The following UBE3C variants were observed in gnomAD, a reference collection of about 807,000 sequenced individuals.
UBE3C encodes the protein ubiquitin-protein ligase E3C.
Under a neutral mutation model 129.4 loss-of-function variants are expected in UBE3C, and 42 were observed. The observed-to-expected ratio is 0.32, with a 90% CI of 0.25 to 0.42. UBE3C has a LOEUF of 0.42. Ranked by LOEUF, UBE3C falls within the 10% of genes least tolerant of loss-of-function variation. The probability of loss-of-function intolerance (pLI) is 1.00; values close to 1 mark genes in which losing one functional copy is unlikely to be tolerated. For missense variants in UBE3C, 1,049 were observed against 1,319.1 expected, an observed-to-expected ratio of 0.80 and a Z score of 3.17; for synonymous variants, 510 against 492.4, an observed-to-expected ratio of 1.04 and a Z score of -0.47.
intron 19 of UBE3C, among the ~76,000 whole-genome samples, chr7:157,251,839 A>C (rs1796627361): frequency 6.6e-6 from 1 of 150,490 alleles, no homozygotes. Flanking sequence ...TAACCGTTTA[A>C]AAGTTATTAG....
intron 14 of UBE3C, 175 bp downstream of exon 14, chr7:157,217,146 C>T (rs951302974): frequency 2.0e-6 from 1 of 503,966 alleles, no homozygotes; most frequent in Admixed American, 3.6e-5. Context: ...GAACATATAG[C>T]AGTATCATTG....
chr7:157,207,800 G>T lies in UBE3C; in HGVS notation c.1674G>T (p.Lys558Asn), dbSNP rs762208941. ...GAGATGCATGCCTGGGGATCATCAA[G>T]TTGGCTTATCCAGAAACCAAGCCAG... ...CLRDACLGII[K>N]LAYPETKPEV... Residue 558 changes from lysine (K) to asparagine (N), a missense_variant, in exon 13 of 23, where the codon AAG becomes AAT. This residue lies in a region of UBE3C where 314 missense variants were observed against 416.9 expected (regional missense o/e 0.75). Transcript: ENST00000348165. 2 of 1,614,158 alleles carry T rather than the reference G, an allele frequency of 1.2e-6. No homozygotes were observed. The highest frequency in any genetic ancestry group is 2.2e-5 in the South Asian group (2 of 91,088).
Position 157,201,751 on chromosome 7 carries a change from G to A in UBE3C, c.1362G>A (p.Arg454=). 6.2e-7 allele frequency: 1 copy of A among 1,606,208 alleles called. No individual in the cohort carries two copies. The highest frequency in any genetic ancestry group is 1.1e-5 in the South Asian group (1 of 90,716). The change falls in exon 11 of 23, where the codon AGG becomes AGA. Residue 454 remains arginine (R), a synonymous_variant. Transcript: ENST00000348165. ...TCTACAGTTTAGCCTTTAATGCCAG[G>A]TTTCTGAGACATCTTTGGTTTCTAA... ...RLLYSLAFNA[R]FLRHLWFLIS... is the part of the protein sequence containing the mutation.
chr7:157,177,029 A>C (rs1466615090), intron 5 of UBE3C, among the ~76,000 whole-genome samples: 1 of 152,148 alleles, frequency 6.6e-6, no homozygotes. Context: ...CATATTTTTT[A>C]ATGCCGTTGA....
At chr7:157,224,490 A>G (rs574816951) in intron 16 of UBE3C, among the ~76,000 whole-genome samples, 15 of 152,230 alleles carry the variant, frequency 9.9e-5, no homozygotes, top group Non-Finnish European at 2.1e-4. Flanking sequence ...CACCGCGCCC[A>G]GCCACTTTAC....
chr7:157,253,289 T>C (rs1253270361), intron 19 of UBE3C, among the ~76,000 whole-genome samples: 1 of 152,246 alleles, frequency 6.6e-6, no homozygotes, highest in Non-Finnish European at 1.5e-5. Flanking sequence ...CAGGTCTGTG[T>C]TTCCGCTGTG....
chr7:157,240,241 G>A (rs1317933777), intron 18 of UBE3C, among the ~76,000 whole-genome samples: 4 of 152,132 alleles, frequency 2.6e-5, no homozygotes, highest in African/African-American at 9.7e-5. Flanking sequence ...TTTTTGTAGA[G>A]ATGGGGTTTC....
chr7:157,266,099 G>A (rs930108506), intron 22 of UBE3C, among the ~76,000 whole-genome samples: 7 of 152,130 alleles, frequency 4.6e-5, no homozygotes, highest in Non-Finnish European at 1.0e-4. Context: ...TGGATCACGA[G>A]GTCAGGAGAT....
chr7:157,146,949 CCA>C, intron 1 of UBE3C, among the ~76,000 whole-genome samples: 1 of 152,328 alleles, frequency 6.6e-6, no homozygotes, highest in Non-Finnish European at 1.5e-5. Context: ...CCGCGCCCAA[CCA>C]TAGTAAGCAT....
intron 8 of UBE3C, 112 bp downstream of exon 8, chr7:157,182,440 G>C: frequency 9.1e-7 from 1 of 1,094,930 alleles, no homozygotes; most frequent in Non-Finnish European, 1.3e-6. Context: ...GCCTCTCCTG[G>C]AGGAGTGTAT....
chr7:157,247,985 C>G (rs1196790165), intron 18 of UBE3C, among the ~76,000 whole-genome samples: 1 of 152,156 alleles, frequency 6.6e-6, no homozygotes, highest in African/African-American at 2.4e-5. Context: ...TTTTCAGTCT[C>G]GCAGTGTGTG....
chr7:157,262,726 A>T (rs1455204874), intron 22 of UBE3C, among the ~76,000 whole-genome samples: 2 of 152,142 alleles, frequency 1.3e-5, no homozygotes, highest in Admixed American at 6.5e-5. Context: ...CATCCTCTTC[A>T]TAGCATTTTG....
intron 10 of UBE3C, among the ~76,000 whole-genome samples, chr7:157,194,345 AC>A (rs1323643423): frequency 2.0e-5 from 3 of 152,036 alleles, no homozygotes; most frequent in African/African-American, 4.8e-5. Flanking sequence ...TGGTATGAAA[AC>A]CCTAGCACAG....
chr7:157,149,637 G>A (rs954262547), intron 1 of UBE3C, among the ~76,000 whole-genome samples: 10 of 152,138 alleles, frequency 6.6e-5, no homozygotes, highest in African/African-American at 2.4e-4. Flanking sequence ...CCACTTGAAT[G>A]TGTGCTGATT....
intron 11 of UBE3C, 103 bp downstream of exon 11, chr7:157,201,910 G>A: frequency 2.2e-6 from 2 of 902,434 alleles, no homozygotes; most frequent in Non-Finnish European, 3.4e-6. Context: ...TTTATACTGG[G>A]CTTATTTCAT....
At chr7:157,267,079 G>C (rs1797097482) in intron 22 of UBE3C, among the ~76,000 whole-genome samples, 2 of 152,064 alleles carry the variant, frequency 1.3e-5, no homozygotes, top group South Asian at 2.1e-4. Context: ...GAAGCACAGT[G>C]CATAATCTTT....
At position 157,225,502 on chromosome 7, in the gene UBE3C, T is replaced by G; in HGVS notation, c.2196T>G (p.Ile732Met). Residue 732 changes from isoleucine to methionine, a missense_variant, in exon 17 of 23, where the codon ATT becomes ATG. Ile to Met is a conservative substitution (Grantham distance 10, BLOSUM62 1). Coordinates refer to ENST00000348165, the MANE Select transcript of UBE3C (RefSeq NM_014671.3). Reference protein sequence around the residue: ...GINVTIRRNYIYEDAYDKLSP... With the variant: ...GINVTIRRNYMYEDAYDKLSP... ...ATGTCACAATAAGAAGAAATTACAT[T>G]TATGAAGATGCTTATGACAAACTTT... 1 of 1,599,280 alleles carries G rather than the reference T, an allele frequency of 6.3e-7. No individual in the cohort carries two copies. The highest frequency in any genetic ancestry group is 8.5e-7 in the Non-Finnish European group (1 of 1,176,186).
chr7:157,169,411 T>C (rs1475372211), intron 3 of UBE3C, among the ~76,000 whole-genome samples: 1 of 151,774 alleles, frequency 6.6e-6, no homozygotes, highest in Non-Finnish European at 1.5e-5. Flanking sequence ...AGTCTCACTC[T>C]GTTGCCCAGG....
chr7:157,257,346 T>A (rs542883712), intron 22 of UBE3C, among the ~76,000 whole-genome samples: 50 of 152,364 alleles, frequency 3.3e-4, no homozygotes, highest in Admixed American at 9.2e-4. Context: ...CTCATAAATC[T>A]GTAACACATC....
Sources: allele counts gnomAD v4.1 joint callset (sites outside exome capture counted in the v4.1 genomes callset), GRCh38; gene constraint gnomAD v4.1.1; regional missense constraint gnomAD v4.1.1; transcripts MANE v1.5; gene names NCBI Gene and HGNC (gene_info 2026-07-23, HGNC 2026-07-21).